The following ZNF574 variants were observed in gnomAD, a reference collection of about 807,000 sequenced individuals.
ZNF574 encodes zinc finger protein 574.
ZNF574 carries 25 observed loss-of-function variants against 56.6 expected under a neutral mutation model. That is an observed-to-expected ratio of 0.44 (90% confidence interval 0.32 to 0.62). The LOEUF is 0.62. Ranked by LOEUF, ZNF574 falls within the 20% of genes least tolerant of loss-of-function variation. ZNF574 has a pLI of 0.04. For missense variants in ZNF574, 1,065 were observed against 1,218.9 expected (o/e 0.87, Z 1.88); for synonymous variants, 543 against 492.1 (o/e 1.10, Z -1.37).
At chr19:42,071,219 G>A (rs1460439279), upstream of ZNF574, among the ~76,000 whole-genome samples, 1 of 150,610 alleles carries the variant, frequency 6.6e-6, no homozygotes, top group Non-Finnish European at 1.5e-5. Context: ...CTCTCAGAAG[G>A]AGCTGAGCAG....
intron 1 of ZNF574, among the ~76,000 whole-genome samples, chr19:42,077,572 G>C (rs1013639662): frequency 6.6e-6 from 1 of 152,138 alleles, no homozygotes; most frequent in Admixed American, 6.5e-5. Flanking sequence ...ATGAGTGGCT[G>C]TGTATGAACA....
rs1269984228 is a variant in ZNF574 at position 42,079,058 on chromosome 19, C to T, written c.452C>T (p.Ala151Val). The change falls in exon 2 of 2, where the codon GCC becomes GTC. Residue 151 changes from alanine to valine, a missense_variant. Ala to Val is a moderately conservative substitution (Grantham distance 64). Transcript: ENST00000359044. The surrounding 1 kb of genome is among the most constrained non-coding windows in gnomAD (Gnocchi z 4.3). ...WLNHRQTHLR[A>V]TPTKAPAPVV... ...AACCACCGGCAGACGCACCTCCGGG[C>T]CACACCCACCAAGGCTCCTGCCCCT... The T allele has an allele frequency of 1.9e-6, 3 of 1,614,074 alleles. No individual in the cohort carries two copies. Among genetic ancestry groups the T allele is most frequent in the Non-Finnish European group, 2.5e-6 (3 of 1,180,030 alleles).
At chr19:42,071,242 G>C (rs1318844509), upstream of ZNF574, among the ~76,000 whole-genome samples, 4 of 138,220 alleles carry the variant, frequency 2.9e-5, no homozygotes, top group Non-Finnish European at 6.1e-5. Flanking sequence ...CAGGGGGATG[G>C]AAGAGAGAAG....
intron 1 of ZNF574, among the ~76,000 whole-genome samples, chr19:42,078,108 A>G (rs2076468156): frequency 6.6e-6 from 1 of 151,880 alleles, no homozygotes; most frequent in African/African-American, 2.4e-5. Context: ...TGGGAGAAGG[A>G]GCAGAGGCCA....
At chr19:42,076,481 G>A (rs1032585905) in intron 1 of ZNF574, among the ~76,000 whole-genome samples, 195 bp downstream of exon 1, 34 of 151,744 alleles carry the variant, frequency 2.2e-4, no homozygotes, top group Admixed American at 1.1e-3. Context: ...TGGGGAAGGG[G>A]CCTGGAGTCG....
chr19:42,076,494 T>A (rs1230296368), intron 1 of ZNF574, among the ~76,000 whole-genome samples: 4 of 148,948 alleles, frequency 2.7e-5, no homozygotes, highest in Non-Finnish European at 6.0e-5. Context: ...TGGAGTCGCG[T>A]GCGGGGCTGA....
intron 1 of ZNF574, among the ~76,000 whole-genome samples, chr19:42,077,402 C>G (rs1297987595): frequency 6.6e-6 from 1 of 151,718 alleles, no homozygotes; most frequent in Non-Finnish European, 1.5e-5. Flanking sequence ...CTGAGCATCC[C>G]TAGAATGGGT....
At chr19:42,069,829 C>T (rs561561711) in intron 1 of ZNF574, among the ~76,000 whole-genome samples, 1 of 151,854 alleles carries the variant, frequency 6.6e-6, no homozygotes, top group African/African-American at 2.4e-5. Context: ...TCAGCCCCCA[C>T]GGGAAAAGCA....
upstream of ZNF574, chr19:42,074,815 TGA>T (rs2076445707): frequency 6.6e-6 from 1 of 152,248 alleles, no homozygotes; most frequent in African/African-American, 2.4e-5. Context: ...AACACAATTC[TGA>T]GAGTCAGTTT....
At chr19:42,068,930 C>T in exon 1 of ZNF574, 1 of 654,116 alleles carries the variant, frequency 1.5e-6, no homozygotes, top group East Asian at 2.9e-5. Context: ...GGCTTGGAGA[C>T]AGCAGGGGCA....
intron 1 of ZNF574, chr19:42,070,568 C>T (rs2076409903): frequency 6.6e-6 from 1 of 152,542 alleles, no homozygotes; most frequent in African/African-American, 2.4e-5. Flanking sequence ...AGACAGCCGT[C>T]AAGACTGTCC....
upstream of ZNF574, among the ~76,000 whole-genome samples, chr19:42,073,536 A>C (rs1045300209): frequency 1.5e-4 from 23 of 151,582 alleles, no homozygotes; most frequent in South Asian, 4.2e-4. Flanking sequence ...AAAAAAAAAA[A>C]AAACCCGGGC....
At position 42,080,647 on chromosome 19, in the gene ZNF574, C is replaced by G. The variant is rs1188337273; in HGVS notation, c.2041C>G (p.Arg681Gly). ...TCGKKVGSAARLQAHEAAHAA... is the reference protein window; with the variant it reads ...TCGKKVGSAAGLQAHEAAHAA... ...TGGCAAGAAAGTGGGCTCAGCTGCT[C>G]GACTGCAGGCACACGAGGCGGCCCA... is the stretch of plus-strand genomic sequence containing the variant. The change falls in exon 2 of 2, where the codon CGA becomes GGA. Residue 681 changes from arginine (R) to glycine (G), a missense_variant. Coordinates refer to ENST00000359044, the MANE Select transcript of ZNF574 (RefSeq NM_022752.6). The surrounding 1 kb of genome is among the most constrained non-coding windows in gnomAD (Gnocchi z 8.5). The G allele has an allele frequency of 1.2e-6, 2 of 1,612,902 alleles. No homozygotes were observed. Among genetic ancestry groups the G allele is most frequent in the South Asian group, 1.1e-5 (1 of 91,062 alleles).
chr19:42,079,287 G>A lies in ZNF574; in HGVS notation c.681G>A (p.Ala227=), dbSNP rs150085337. The A allele has an allele frequency of 2.1e-5, 34 of 1,613,832 alleles. No individual in the cohort carries two copies. Among genetic ancestry groups the A allele is most frequent in the Admixed American group, 1.0e-4 (6 of 59,994 alleles). ...SECSQLFQLP[A]DFLEHQATHF... ...GCTCCCAGCTCTTCCAGCTGCCGGCGGATTTCCTGGAGCACCAGGCCACTC... is the reference window on the plus strand; with the variant it reads ...GCTCCCAGCTCTTCCAGCTGCCGGCAGATTTCCTGGAGCACCAGGCCACTC... The change falls in exon 2 of 2, where the codon GCG becomes GCA. Residue 227 remains alanine (A), a synonymous_variant. Coordinates refer to ENST00000359044, the MANE Select transcript of ZNF574 (RefSeq NM_022752.6). The surrounding 1 kb of genome is among the most constrained non-coding windows in gnomAD (Gnocchi z 4.3).
At chr19:42,074,632 T>C (rs1045632944), upstream of ZNF574, 1 of 152,174 alleles carries the variant, frequency 6.6e-6, no homozygotes, top group Non-Finnish European at 1.5e-5. Context: ...GACAGTTGAC[T>C]TGCCCTAGAA....
Position 42,081,196 on chromosome 19 carries a change from G to C in ZNF574, c.2590G>C (p.Gly864Arg). ...GCTGGCAGAGGCGGAGGCTGCCGTT[G>C]GCCTGGCCGTCATGGAGACTGCTGT... is the stretch of plus-strand genomic sequence containing the variant. ...QQLAEAEAAV[G>R]LAVMETAVEA... Residue 864 changes from glycine (G) to arginine (R), a missense_variant, in exon 2 of 2, where the codon GGC becomes CGC. Physicochemically the swap from Gly to Arg is moderately radical, Grantham distance 125. Transcript: ENST00000359044. 1 of 1,614,120 alleles carries C rather than the reference G, an allele frequency of 6.2e-7. No homozygotes were observed. The highest frequency in any genetic ancestry group is 8.5e-7 in the Non-Finnish European group (1 of 1,180,032).
chr19:42,076,560 G>A (rs547294214), intron 1 of ZNF574, among the ~76,000 whole-genome samples: 79 of 152,270 alleles, frequency 5.2e-4, no homozygotes, highest in Non-Finnish European at 2.9e-4. Context: ...GGCGGGAAGG[G>A]GAGGCCTCAG....
At chr19:42,076,568 C>CA (rs1171552095) in intron 1 of ZNF574, among the ~76,000 whole-genome samples, 2 of 152,040 alleles carry the variant, frequency 1.3e-5, no homozygotes, top group African/African-American at 2.4e-5. Flanking sequence ...GGGGAGGCCT[C>CA]AGAGCTGTCC....
Position 42,080,505 on chromosome 19 carries a change from C to T in ZNF574, c.1899C>T (p.Arg633=). ...EVHQLVVHAG[R]QPHRCPSCGA... is the part of the protein sequence containing the mutation. Reference sequence around the variant, plus strand: ...ACCAGCTCGTGGTCCATGCCGGGCGCCAGCCCCACCGCTGCCCATCCTGTG... The same window carrying T: ...ACCAGCTCGTGGTCCATGCCGGGCGTCAGCCCCACCGCTGCCCATCCTGTG... Residue 633 remains arginine, a synonymous_variant, in exon 2 of 2, where the codon CGC becomes CGT. Transcript: ENST00000359044. This position sits in a 1 kb window ranked among gnomAD's most constrained non-coding sequence, Gnocchi z 8.5. 1 of 1,613,762 alleles carries T rather than the reference C, an allele frequency of 6.2e-7. No individual in the cohort carries two copies. The highest frequency in any genetic ancestry group is 8.5e-7 in the Non-Finnish European group (1 of 1,179,956).
Sources: gnomAD v4.1 joint callset for allele counts (sites outside exome capture counted in the v4.1 genomes callset) on GRCh38, gnomAD v4.1.1 for gene constraint, Gnocchi (gnomAD v3.1) non-coding constraint, MANE v1.5 for transcripts, NCBI Gene and HGNC (gene_info 2026-07-23, HGNC 2026-07-21) for gene names.